Variants in ROBO1 observed in about 807,000 individuals in gnomAD.
The protein encoded by ROBO1 is roundabout guidance receptor 1.
A neutral mutation model predicts 195.9 loss-of-function variants in ROBO1; 149 were observed. The observed-to-expected ratio is 0.76, with a 90% CI of 0.67 to 0.87. ROBO1 has a LOEUF of 0.87. ROBO1 is among the 40% of genes least tolerant of loss of function. The pLI is 0.00. For synonymous variants in ROBO1, 816 were observed against 733.2 expected, an observed-to-expected ratio of 1.11 and a Z score of -1.82; for missense variants, 1,933 against 2,068.3, an observed-to-expected ratio of 0.93 and a Z score of 1.27.
At chr3:78,607,954 T>C (rs1703563856) in intron 28 of ROBO1, among the ~76,000 whole-genome samples, 1 of 151,918 alleles carries the variant, frequency 6.6e-6, no homozygotes, top group South Asian at 2.1e-4. Context: ...CATCTCACCA[T>C]TGTGTTTACG....
intron 2 of ROBO1, among the ~76,000 whole-genome samples, chr3:79,260,350 G>A (rs1182276250): frequency 2.0e-5 from 3 of 151,782 alleles, no homozygotes; most frequent in Non-Finnish European, 4.4e-5. Flanking sequence ...TTTAGTGTTT[G>A]TATTTTTAAT....
chr3:79,033,955 T>A (rs1414848229), intron 3 of ROBO1, among the ~76,000 whole-genome samples: 1 of 152,110 alleles, frequency 6.6e-6, no homozygotes, highest in South Asian at 2.1e-4. Flanking sequence ...AGGAGCATAA[T>A]TTTTCACTAT....
At chr3:79,607,279 A>G (rs1430551925) in intron 1 of ROBO1, among the ~76,000 whole-genome samples, 2 of 151,394 alleles carry the variant, frequency 1.3e-5, no homozygotes, top group East Asian at 1.9e-4. Context: ...AATAAATTAT[A>G]TAAAAATAAT....
In ROBO1 at chr3:78,606,728, A is replaced by C; in HGVS notation, c.4744+5T>G. 4.3e-6 allele frequency: 7 copies of C among 1,612,430 alleles called. No homozygotes were observed. The highest frequency in any genetic ancestry group is 5.9e-6 in the Non-Finnish European group (7 of 1,178,930). ...TATTTATTTGCTGCTTGATTGGATG[A>C]GTACCTTGGATGAGATGAGTCTTTG... On this transcript the variant is annotated splice_donor_5th_base_variant and intron_variant, in intron 29 of 30. Transcript: ENST00000464233.
chr3:79,667,505 T>A (rs1446048564), intron 1 of ROBO1, among the ~76,000 whole-genome samples: 1 of 151,838 alleles, frequency 6.6e-6, no homozygotes, highest in African/African-American at 2.4e-5. Context: ...TCTTAAGGAA[T>A]AACAGCACAG....
At chr3:78,665,748 T>C (rs1017285618) in intron 14 of ROBO1, among the ~76,000 whole-genome samples, 4 of 152,234 alleles carry the variant, frequency 2.6e-5, no homozygotes, top group African/African-American at 9.6e-5. Flanking sequence ...CCCCATTTTA[T>C]AGGTGAGGAA....
At chr3:79,570,545 TAAG>T (rs1943245059) in intron 2 of ROBO1, among the ~76,000 whole-genome samples, 1 of 151,962 alleles carries the variant, frequency 6.6e-6, no homozygotes, top group Non-Finnish European at 1.5e-5. Context: ...TAAAACAAAA[TAAG>T]AAAAATTTCA....
At chr3:78,884,717 A>AAAG in intron 4 of ROBO1, among the ~76,000 whole-genome samples, 1 of 149,616 alleles carries the variant, frequency 6.7e-6, no homozygotes, top group South Asian at 2.1e-4. Flanking sequence ...AGAAAGAAGG[A>AAAG]AAGGAAAGGA....
chr3:78,605,992 A>T (rs1703438927), intron 29 of ROBO1, among the ~76,000 whole-genome samples: 1 of 152,274 alleles, frequency 6.6e-6, no homozygotes, highest in South Asian at 2.1e-4. Flanking sequence ...TTAGAGTGTT[A>T]CTGTAATGTT....
chr3:78,835,700 A>G (rs567944229), intron 4 of ROBO1, among the ~76,000 whole-genome samples: 1 of 152,300 alleles, frequency 6.6e-6, no homozygotes, highest in South Asian at 2.1e-4. Context: ...TGAAAAATGC[A>G]TAACTCACTG....
chr3:79,086,646 C>G lies in ROBO1; in HGVS notation c.172+38810G>C, dbSNP rs903522751. On this transcript the variant is annotated intron_variant, in intron 3 of 30. Transcript: ENST00000464233. ...ACAAGAGGGCGATCATTAGGAAATG[C>G]AGCGATATTTTCCCGCATGTCAGTG... is the stretch of plus-strand genomic sequence containing the variant. 2.8e-4 allele frequency among the ~76,000 whole-genome samples: 43 copies of G among 152,130 alleles called. 1 individual carries two copies. The highest frequency in any genetic ancestry group is 9.9e-4 in the African/African-American group (41 of 41,404).
intron 4 of ROBO1, among the ~76,000 whole-genome samples, chr3:78,792,301 T>C (rs987584775): frequency 2.0e-5 from 3 of 152,228 alleles, no homozygotes; most frequent in Non-Finnish European, 4.4e-5. Context: ...TTGTAGACTT[T>C]AATTTTGATC....
intron 1 of ROBO1, among the ~76,000 whole-genome samples, chr3:79,725,371 CG>C (rs1158127280): frequency 4.6e-5 from 7 of 151,470 alleles, no homozygotes; most frequent in Admixed American, 3.3e-4. Context: ...GGACTACAGG[CG>C]CCCGCCACCA....
chr3:79,521,561 C>T (rs1941210399), intron 2 of ROBO1, among the ~76,000 whole-genome samples: 1 of 152,154 alleles, frequency 6.6e-6, no homozygotes, highest in Non-Finnish European at 1.5e-5. Context: ...CAAGTGACTA[C>T]ATAAGTAACA....
intron 2 of ROBO1, among the ~76,000 whole-genome samples, chr3:79,203,015 C>G (rs1204991621): frequency 6.6e-6 from 1 of 151,346 alleles, no homozygotes; most frequent in Non-Finnish European, 1.5e-5. Flanking sequence ...TTTAGTTCCT[C>G]GAGGGGAAAA....
At chr3:79,496,940 G>T (rs1227933508) in intron 2 of ROBO1, among the ~76,000 whole-genome samples, 2 of 152,100 alleles carry the variant, frequency 1.3e-5, no homozygotes, top group African/African-American at 2.4e-5. Flanking sequence ...TGTCAATGTT[G>T]CTTTGCTCTC....
intron 2 of ROBO1, among the ~76,000 whole-genome samples, chr3:79,547,588 T>C (rs536140110): frequency 1.3e-5 from 2 of 152,284 alleles, no homozygotes; most frequent in African/African-American, 4.8e-5. Flanking sequence ...AAGTTCAGTA[T>C]AAGTAAAATA....
intron 2 of ROBO1, among the ~76,000 whole-genome samples, chr3:79,517,791 CATTTT>C (rs1374939848): frequency 6.6e-6 from 1 of 152,146 alleles, no homozygotes; most frequent in Non-Finnish European, 1.5e-5. Context: ...TAGTTGTAGA[CATTTT>C]ATTACTCTAC....
Position 78,668,472 on chromosome 3 carries a change from C to A in ROBO1, c.1630+12G>T, listed in dbSNP as rs1707867461. On this transcript the variant is annotated intron_variant, in intron 12 of 30. Coordinates refer to ENST00000464233, the MANE Select transcript of ROBO1 (RefSeq NM_002941.4). ...AAGCTTCACTTTAAGGGAAACACAC[C>A]ATTTACTTTACCTTGAACTTCAATG... 2 of 1,613,174 alleles carry A rather than the reference C, an allele frequency of 1.2e-6. No homozygotes were observed. Among genetic ancestry groups the A allele is most frequent in the African/African-American group, 1.3e-5 (1 of 74,882 alleles).
Sources: gnomAD v4.1 joint callset for allele counts (sites outside exome capture counted in the v4.1 genomes callset) on GRCh38, gnomAD v4.1.1 for gene constraint, MANE v1.5 for transcripts, NCBI Gene and HGNC (gene_info 2026-07-23, HGNC 2026-07-21) for gene names.